TGM6: variants seen among roughly 807,000 people sequenced by gnomAD.
The protein encoded by TGM6 is transglutaminase 6.
A neutral mutation model predicts 77.5 loss-of-function variants in TGM6; 74 were observed. The ratio of observed to expected loss-of-function variants is 0.96; its 90% CI spans 0.79 to 1.16. TGM6 has a LOEUF of 1.16. Among genes scored for constraint, TGM6 ranks in the 50% most tolerant of loss-of-function variants. The pLI is 0.00. For synonymous variants in TGM6, 383 were observed against 378.9 expected, an observed-to-expected ratio of 1.01 and a Z score of -0.12; for missense variants, 968 against 940.2, an observed-to-expected ratio of 1.03 and a Z score of -0.39.
chr20:2,399,302 A>C (rs2084689178), intron 5 of TGM6, among the ~76,000 whole-genome samples: 2 of 152,292 alleles, frequency 1.3e-5, no homozygotes, highest in Middle Eastern at 6.8e-3. Context: ...CCCAAAACAG[A>C]TCATTTAACA....
rs190448927 is a variant in TGM6, at chr20:2,393,451, T to C, written c.8-1001T>C. Among the ~76,000 whole-genome samples, 4 of 152,338 alleles carry C rather than the reference T, an allele frequency of 2.6e-5. No individual in the cohort carries two copies. The East Asian group carries it at 7.7e-4, about 29-fold the overall frequency. ...TGCGACACGCCTTACACTAAAAATA[T>C]GTGTTAGGTGAACATTCAGGCATGA... On this transcript the variant is annotated intron_variant, in intron 1 of 12. Transcript: ENST00000202625.
chr20:2,397,967 C>A lies in TGM6; in HGVS notation c.593C>A (p.Pro198His). Residue 198 changes from proline (P) to histidine (H), a missense_variant, in exon 5 of 13, where the codon CCC (proline) becomes CAC (histidine). Coordinates refer to ENST00000202625, the MANE Select transcript of TGM6 (RefSeq NM_198994.3). Reference sequence around the variant, plus strand: ...TGCCTCTCCATCCTGGATCGAAGCCCCGGTCACCAAAACAACCCAGCCACC... The same window carrying A: ...TGCCTCTCCATCCTGGATCGAAGCCACGGTCACCAAAACAACCCAGCCACC... The part of the protein sequence containing the change: ...NICLSILDRS[P>H]GHQNNPATDV... The A allele has an allele frequency of 3.7e-6, 6 of 1,614,082 alleles. No individual in the cohort carries two copies. The highest frequency in any genetic ancestry group is 5.1e-6 in the Non-Finnish European group (6 of 1,180,024).
Position 2,417,284 on chromosome 20 carries a change from C to T in TGM6, c.1389C>T (p.Gly463=), listed in dbSNP as rs1196660473. Residue 463 remains glycine, a synonymous_variant, in exon 10 of 13, where the codon GGC becomes GGT. Transcript: ENST00000202625. ...VYSKAVNRLF[G]VEASGRRIWI... is the part of the protein sequence containing the mutation. Reference sequence around the variant, plus strand: ...GCAAGGCGGTGAACAGGCTGTTCGGCGTGGAAGCCTCTGGAAGGAGAATCT... The same window carrying T: ...GCAAGGCGGTGAACAGGCTGTTCGGTGTGGAAGCCTCTGGAAGGAGAATCT... 2 of 1,611,368 alleles carry T rather than the reference C, an allele frequency of 1.2e-6. No individual in the cohort carries two copies. Among genetic ancestry groups the T allele is most frequent in the African/African-American group, 1.3e-5 (1 of 74,984 alleles).
intron 10 of TGM6, among the ~76,000 whole-genome samples, chr20:2,428,854 CT>C (rs1371768779): frequency 3.9e-5 from 6 of 152,116 alleles, no homozygotes; most frequent in Admixed American, 2.0e-4. Flanking sequence ...GATAGAGTCT[CT>C]CTCTGTCGCT....
intron 10 of TGM6, among the ~76,000 whole-genome samples, chr20:2,429,285 C>T (rs1321386603): frequency 2.0e-5 from 3 of 152,084 alleles, no homozygotes; most frequent in African/African-American, 7.2e-5. Context: ...TAGCAGAGCG[C>T]ATGAGCCAAG....
chr20:2,395,860 T>C (rs768408559), intron 3 of TGM6, among the ~76,000 whole-genome samples: 20 of 152,144 alleles, frequency 1.3e-4, no homozygotes, highest in Non-Finnish European at 2.6e-4. Flanking sequence ...TAGTAAGGGG[T>C]GGCCAGGATC....
At chr20:2,393,819 G>A (rs1009274877) in intron 1 of TGM6, among the ~76,000 whole-genome samples, 1 of 151,694 alleles carries the variant, frequency 6.6e-6, no homozygotes, top group African/African-American at 2.4e-5. Flanking sequence ...GAGCCACCAC[G>A]CCCATCCTAA....
At position 2,430,543 on chromosome 20, in the gene TGM6, A is replaced by T. The variant is rs572592680; in HGVS notation, c.1776A>T (p.Lys592Asn). 54 of 1,614,228 alleles carry T rather than the reference A, an allele frequency of 3.3e-5. 1 individual carries two copies. The Middle Eastern group carries it at 2.3e-3, about 69-fold the overall frequency. The part of the protein sequence containing the change: ...ILLAAMCLVT[K>N]GEKLLVEKDI... Reference sequence around the variant, plus strand: ...TGGCTGCCATGTGCCTTGTCACCAAAGGAGAGAAGCTTCTGGTGGAGAAGG... The same window carrying T: ...TGGCTGCCATGTGCCTTGTCACCAATGGAGAGAAGCTTCTGGTGGAGAAGG... The change falls in exon 11 of 13, where the codon AAA becomes AAT. Residue 592 changes from lysine (K) to asparagine (N), a missense_variant. Coordinates refer to ENST00000202625, the MANE Select transcript of TGM6 (RefSeq NM_198994.3).
chr20:2,391,625 T>C (rs1190070391), intron 1 of TGM6, among the ~76,000 whole-genome samples: 1 of 152,132 alleles, frequency 6.6e-6, no homozygotes. Context: ...TGGGAGCAGA[T>C]GTTTGACAAG....
In TGM6 at chr20:2,410,645, C is replaced by A. The variant is rs564631224; in HGVS notation, c.1337-6587C>A. Among the ~76,000 whole-genome samples, 3 of 152,130 alleles carry A rather than the reference C, an allele frequency of 2.0e-5. No individual in the cohort carries two copies. The South Asian group carries it at 6.2e-4, about 32-fold the overall frequency. The stretch of plus-strand genomic sequence containing the variant: ...AGTCTTGTGGGACTGAGCCCTTCAA[C>A]GTGTGGAGTCTGATGCTAACTCCAG... On this transcript the variant is annotated intron_variant, in intron 9 of 12. Coordinates refer to ENST00000202625, the MANE Select transcript of TGM6 (RefSeq NM_198994.3).
At chr20:2,383,242 G>A (rs913430258) in intron 1 of TGM6, among the ~76,000 whole-genome samples, 11 of 152,224 alleles carry the variant, frequency 7.2e-5, no homozygotes, top group African/African-American at 2.7e-4. Context: ...GATGCCACTG[G>A]CTTCAACAGA....
chr20:2,401,880 TAACCTTGTTCA>T (rs2084712124), intron 7 of TGM6, among the ~76,000 whole-genome samples: 1 of 152,312 alleles, frequency 6.6e-6, no homozygotes, highest in South Asian at 2.1e-4. Context: ...CTTCAGTGAA[TAACCTTGTTCA>T]AATGTCTGTT....
At chr20:2,386,110 T>A (rs896531922) in intron 1 of TGM6, among the ~76,000 whole-genome samples, 5 of 152,154 alleles carry the variant, frequency 3.3e-5, no homozygotes, top group African/African-American at 1.2e-4. Context: ...GGCTGCCGTA[T>A]ACCTAGGAGC....
chr20:2,406,403 G>A (rs935149682), intron 9 of TGM6, among the ~76,000 whole-genome samples: 2 of 151,458 alleles, frequency 1.3e-5, no homozygotes, highest in Non-Finnish European at 2.9e-5. Context: ...TCCAGTGGGA[G>A]GAATGCTTGA....
intron 12 of TGM6, among the ~76,000 whole-genome samples, chr20:2,431,395 C>T (rs2084923399): frequency 6.6e-6 from 1 of 152,194 alleles, no homozygotes; most frequent in African/African-American, 2.4e-5. Context: ...CTTATTCCTA[C>T]ATTTATGCTT....
At position 2,425,687 on chromosome 20, in the gene TGM6, CAT is replaced by C. The variant is rs1349643738; in HGVS notation, c.1679-4757_1679-4756del. Among the ~76,000 whole-genome samples, 9 of 152,062 alleles carry C rather than the reference CAT, an allele frequency of 5.9e-5. No homozygotes were observed. In the East Asian group the frequency reaches 1.3e-3, roughly 23 times the overall value. On this transcript the variant is annotated intron_variant, in intron 10 of 12. Coordinates refer to ENST00000202625, the MANE Select transcript of TGM6 (RefSeq NM_198994.3). ...CTACTCTGGGTCTTTTGCCTCTTGA[CAT>C]AAACTTTTTTATGTCATGGTTCTTT...
rs144955062 is a variant in TGM6, at chr20:2,425,023, A to G, written c.1679-5423A>G. On this transcript the variant is annotated intron_variant, in intron 10 of 12. Transcript: ENST00000202625. ...GTTTGTGGTGCTAACAAACAGTTAC[A>G]ATAGTAGCCTCAAAGATCACTGATC... Among the ~76,000 whole-genome samples the G allele has an allele frequency of 2.0e-4, 30 of 152,292 alleles. No homozygotes were observed. The East Asian group carries it at 5.8e-3, about 29-fold the overall frequency.
intron 9 of TGM6, among the ~76,000 whole-genome samples, chr20:2,408,816 A>G (rs1345627169): frequency 2.0e-5 from 3 of 152,238 alleles, no homozygotes; most frequent in Admixed American, 6.5e-5. Flanking sequence ...ATCTTAAAGG[A>G]TAAAGGAGCT....
chr20:2,383,123 T>C (rs1158959994), intron 1 of TGM6, among the ~76,000 whole-genome samples: 1 of 152,164 alleles, frequency 6.6e-6, no homozygotes. Flanking sequence ...CCCAGGCAAC[T>C]CTCGATAAAT....
Sources: allele counts gnomAD v4.1 joint callset (sites outside exome capture counted in the v4.1 genomes callset), GRCh38; gene constraint gnomAD v4.1.1; transcripts MANE v1.5; gene names NCBI Gene and HGNC (gene_info 2026-07-23, HGNC 2026-07-21).